The following GALNT7 variants were observed in gnomAD, a reference collection of about 807,000 sequenced individuals.
GALNT7 encodes N-acetylgalactosaminyltransferase 7.
A neutral mutation model predicts 82.1 loss-of-function variants in GALNT7; 60 were observed. The ratio of observed to expected loss-of-function variants is 0.73; its 90% confidence interval spans 0.59 to 0.91. The LOEUF (loss-of-function observed/expected upper bound fraction) is 0.91, where lower values mean the gene tolerates loss of function less well. Among genes scored for constraint, GALNT7 ranks in the 40% least tolerant of loss-of-function variants. The pLI, the probability that GALNT7 is intolerant of heterozygous loss-of-function variation, is 0.00. For synonymous variants in GALNT7, 243 were observed against 275.1 expected, an observed-to-expected ratio of 0.88 and a Z score of 1.15; for missense variants, 660 against 804.2, an observed-to-expected ratio of 0.82 and a Z score of 2.17.
At chr4:173,169,100 G>A (rs935898625) in intron 1 of GALNT7, 139 bp downstream of exon 1, 1 of 639,378 alleles carries the variant, frequency 1.6e-6, no homozygotes, top group South Asian at 4.6e-5. Context: ...GGCGCAGCGC[G>A]GGCCGAGGGG....
chr4:173,199,802 G>A (rs977101044), intron 1 of GALNT7, among the ~76,000 whole-genome samples: 1 of 152,150 alleles, frequency 6.6e-6, no homozygotes, highest in African/African-American at 2.4e-5. Context: ...GAGGTAGGAT[G>A]GAATAAATCA....
chr4:173,266,871 GTGT>G (rs1561181360), intron 2 of GALNT7, among the ~76,000 whole-genome samples: 991 of 51,188 alleles, frequency 0.019, 4 homozygotes, highest in Non-Finnish European at 0.028. Flanking sequence ...TGGGAAGGGT[GTGT>G]GTGTGTGTGT....
chr4:173,180,215 G>T (rs1351146241), intron 1 of GALNT7, among the ~76,000 whole-genome samples: 1 of 145,436 alleles, frequency 6.9e-6, no homozygotes, highest in Non-Finnish European at 1.5e-5. Flanking sequence ...AGTCAATTAA[G>T]TTTTTTTTTT....
chr4:173,192,009 A>G (rs1032181067), intron 1 of GALNT7, among the ~76,000 whole-genome samples: 2 of 152,210 alleles, frequency 1.3e-5, no homozygotes, highest in African/African-American at 4.8e-5. Flanking sequence ...TTAAAATAAA[A>G]TGAATCATAC....
At chr4:173,301,996 G>T (rs949177925) in intron 6 of GALNT7, 51 bp from the exon 7 acceptor site, 2 of 841,900 alleles carry the variant, frequency 2.4e-6, no homozygotes, top group Admixed American at 3.7e-5. Flanking sequence ...ATTGGTGAAG[G>T]GTTATTGGGG....
chr4:173,243,331 C>A (rs1579948111), intron 1 of GALNT7, among the ~76,000 whole-genome samples: 1 of 152,142 alleles, frequency 6.6e-6, no homozygotes, highest in African/African-American at 2.4e-5. Context: ...TCCATATTAC[C>A]ATCCAGTGAT....
chr4:173,207,357 A>G (rs1399285180), intron 1 of GALNT7, among the ~76,000 whole-genome samples: 1 of 152,236 alleles, frequency 6.6e-6, no homozygotes, highest in African/African-American at 2.4e-5. Context: ...AACTTGCTAA[A>G]TTTAGTATAT....
chr4:173,212,945 A>G (rs1733328954), intron 1 of GALNT7, among the ~76,000 whole-genome samples: 1 of 152,032 alleles, frequency 6.6e-6, no homozygotes, highest in African/African-American at 2.4e-5. Context: ...TGGAACCACA[A>G]CCTTGTTTCT....
Position 173,248,150 on chromosome 4 carries a change from T to C in GALNT7, c.297T>C (p.Ala99=). The part of the protein sequence containing the change: ...NKAKNEQEHH[A]GGDSQKDIMQ... ...CCAAAAATGAACAAGAGCACCATGC[T>C]GGAGGAGATTCCCAGAAAGATATCA... Residue 99 remains alanine (A), a synonymous_variant, in exon 2 of 12, where the codon GCT becomes GCC. Coordinates refer to ENST00000265000, the MANE Select transcript of GALNT7 (RefSeq NM_017423.3). The C allele has an allele frequency of 6.2e-7, 1 of 1,613,964 alleles. No individual in the cohort carries two copies. Among genetic ancestry groups the C allele is most frequent in the Non-Finnish European group, 8.5e-7 (1 of 1,179,908 alleles).
At chr4:173,226,348 C>T (rs1252565864) in intron 1 of GALNT7, among the ~76,000 whole-genome samples, 3 of 152,120 alleles carry the variant, frequency 2.0e-5, no homozygotes, top group Non-Finnish European at 2.9e-5. Context: ...TATATTACAT[C>T]GGATAAACCA....
intron 1 of GALNT7, among the ~76,000 whole-genome samples, chr4:173,214,106 A>G (rs1273830809): frequency 1.3e-5 from 2 of 152,190 alleles, no homozygotes; most frequent in Non-Finnish European, 2.9e-5. Flanking sequence ...AAAAAGATCA[A>G]GATGCCTCTG....
intron 2 of GALNT7, among the ~76,000 whole-genome samples, chr4:173,269,559 T>A (rs2126785718): frequency 6.6e-6 from 1 of 152,274 alleles, no homozygotes; most frequent in South Asian, 2.1e-4. Flanking sequence ...TAATCTGAAT[T>A]TCAAAGGTCC....
intron 1 of GALNT7, among the ~76,000 whole-genome samples, chr4:173,200,092 A>G (rs1030027269): frequency 1.3e-5 from 2 of 152,220 alleles, no homozygotes; most frequent in African/African-American, 4.8e-5. Context: ...GATAAATAAG[A>G]TTTTTATAAA....
rs374697220 is a variant in GALNT7 at position 173,183,744 on chromosome 4, C to T, written c.126+14783C>T. Among the ~76,000 whole-genome samples the T allele has an allele frequency of 3.0e-4, 44 of 148,720 alleles. 1 individual carries two copies. The East Asian group carries it at 5.7e-3, about 19-fold the overall frequency. On this transcript the variant is annotated intron_variant, in intron 1 of 11. Transcript: ENST00000265000. The stretch of plus-strand genomic sequence containing the variant: ...GGGCGGCGGCCGGGCGGGGTCTGCC[C>T]CCCACCTCCCGGACGGGGCGGCTGG...
chr4:173,231,610 C>G (rs528241345), intron 1 of GALNT7, among the ~76,000 whole-genome samples: 1 of 152,050 alleles, frequency 6.6e-6, no homozygotes, highest in Non-Finnish European at 1.5e-5. Context: ...TGGATAGTTG[C>G]GAGGATTGGA....
In GALNT7 at chr4:173,295,455, T is replaced by C. The variant is rs1340415814; in HGVS notation, c.814T>C (p.Phe272Leu). ...GCTGTGGAATGGCCTAGTGAAGGTA[T>C]TTCGAAATGAAAGAAGGGAAGGTTT... ...IKLWNGLVKV[F>L]RNERREGLIQ... is the part of the protein sequence containing the mutation. Residue 272 changes from phenylalanine (F) to leucine (L), a missense_variant, in exon 4 of 12, where the codon TTT becomes CTT. Phe to Leu is a conservative substitution (Grantham distance 22, BLOSUM62 0). Around this residue, in one of 2 missense-constraint regions of GALNT7, gnomAD observed 527 missense variants for 683.5 expected, o/e 0.77. Transcript: ENST00000265000. 1 of 1,610,494 alleles carries C rather than the reference T, an allele frequency of 6.2e-7. No individual in the cohort carries two copies. Among genetic ancestry groups the C allele is most frequent in the Admixed American group, 1.7e-5 (1 of 60,022 alleles).
chr4:173,184,010 G>T (rs1189909200), intron 1 of GALNT7, among the ~76,000 whole-genome samples: 1 of 151,018 alleles, frequency 6.6e-6, no homozygotes, highest in Non-Finnish European at 1.5e-5. Flanking sequence ...GGGTCGGTGG[G>T]GCAGAGGCGC....
Position 173,261,384 on chromosome 4 carries a change from T to G in GALNT7, c.587+12944T>G, listed in dbSNP as rs1173137771. Among the ~76,000 whole-genome samples the G allele has an allele frequency of 2.1e-5, 3 of 145,568 alleles. No homozygotes were observed. In the East Asian group the frequency reaches 5.8e-4, roughly 28 times the overall value. ...TCTACCCAGACAGTGGCATCAGTTTTTTTTTGTTTTTTTTTTTCTCATCAG... is the reference window on the plus strand; with the variant it reads ...TCTACCCAGACAGTGGCATCAGTTTGTTTTTGTTTTTTTTTTTCTCATCAG... On this transcript the variant is annotated intron_variant, in intron 2 of 11. Coordinates refer to ENST00000265000, the MANE Select transcript of GALNT7 (RefSeq NM_017423.3).
At chr4:173,235,910 C>T (rs1188908888) in intron 1 of GALNT7, among the ~76,000 whole-genome samples, 3 of 152,212 alleles carry the variant, frequency 2.0e-5, no homozygotes, top group Non-Finnish European at 2.9e-5. Context: ...AAGTTTCTTA[C>T]AGCACCATGT....
Sources: gnomAD v4.1 joint callset for allele counts (sites outside exome capture counted in the v4.1 genomes callset) on GRCh38, gnomAD v4.1.1 for gene constraint, gnomAD v4.1.1 regional missense constraint, MANE v1.5 for transcripts, NCBI Gene and HGNC (gene_info 2026-07-23, HGNC 2026-07-21) for gene names.